RABGAP1: variants seen among roughly 807,000 people sequenced by gnomAD.
RABGAP1 encodes rab GTPase-activating protein 1.
RABGAP1 carries 23 observed loss-of-function variants against 137.6 expected under a neutral mutation model. The ratio of observed to expected loss-of-function variants is 0.17; its 90% CI spans 0.12 to 0.24. The LOEUF is 0.24. Ranked by LOEUF, RABGAP1 falls within the 10% of genes least tolerant of loss-of-function variation. RABGAP1 has a pLI of 1.00. For synonymous variants in RABGAP1, 451 were observed against 450.7 expected, an observed-to-expected ratio of 1.00 and a Z score of -0.01; for missense variants, 906 against 1,275.8, an observed-to-expected ratio of 0.71 and a Z score of 4.42.
At chr9:122,972,226 C>T (rs1422874410) in intron 2 of RABGAP1, among the ~76,000 whole-genome samples, 1 of 151,988 alleles carries the variant, frequency 6.6e-6, no homozygotes, top group African/African-American at 2.4e-5. Context: ...CCCAGGAGTT[C>T]AAGACCAGCC....
At chr9:123,044,364 C>G (rs533782244) in intron 13 of RABGAP1, among the ~76,000 whole-genome samples, 107 of 152,240 alleles carry the variant, frequency 7.0e-4, no homozygotes, top group African/African-American at 2.5e-3. Context: ...CTTTACAAAG[C>G]CATTTCCTAT....
At chr9:123,008,493 C>G (rs1047456492) in intron 10 of RABGAP1, among the ~76,000 whole-genome samples, 1 of 146,954 alleles carries the variant, frequency 6.8e-6, no homozygotes, top group Non-Finnish European at 1.5e-5. Flanking sequence ...TGCAGTGAGC[C>G]GAGATCATGC....
At chr9:122,950,376 T>TC (rs1834166988) in intron 1 of RABGAP1, among the ~76,000 whole-genome samples, 1 of 96,044 alleles carries the variant, frequency 1.0e-5, no homozygotes, top group African/African-American at 4.1e-5. Context: ...TCTTTTTCTT[T>TC]CTTTTTTTTT....
chr9:123,065,336 A>T lies in RABGAP1; in HGVS notation c.1795-12A>T. On this transcript the variant is annotated splice_polypyrimidine_tract_variant and intron_variant, in intron 13 of 25. Transcript: ENST00000373647. ...ACCTAACTAAACCCTCTCTTTCCTT[A>T]TGTTTCCACAGGAGTCTCCCCAGGA... 6.4e-7 allele frequency: 1 copy of T among 1,564,590 alleles called. No individual in the cohort carries two copies.
chr9:122,998,866 A>G, intron 10 of RABGAP1, 100 bp downstream of exon 10: 1 of 651,762 alleles, frequency 1.5e-6, no homozygotes, highest in Non-Finnish European at 2.3e-6. Flanking sequence ...AGTCATGTGT[A>G]TTTTAAATAT....
At chr9:123,065,326 C>G in intron 13 of RABGAP1, 22 bp from the exon 14 acceptor site, 19 of 1,531,282 alleles carry the variant, frequency 1.2e-5, no homozygotes, top group Non-Finnish European at 1.7e-5. Context: ...ACTAAACCCT[C>G]TCTTTCCTTA....
chr9:123,095,391 A>G (rs1030857194), intron 21 of RABGAP1, among the ~76,000 whole-genome samples: 1 of 152,160 alleles, frequency 6.6e-6, no homozygotes, highest in Non-Finnish European at 1.5e-5. Flanking sequence ...CTTCTTTTCT[A>G]AAATAAGCAT....
chr9:123,081,771 T>C (rs2034716149), intron 19 of RABGAP1, among the ~76,000 whole-genome samples: 1 of 152,178 alleles, frequency 6.6e-6, no homozygotes, highest in Non-Finnish European at 1.5e-5. Context: ...ATGATATTGT[T>C]GTAATTTGTA....
At chr9:123,066,958 T>C (rs775639044) in intron 14 of RABGAP1, among the ~76,000 whole-genome samples, 3 of 152,240 alleles carry the variant, frequency 2.0e-5, no homozygotes, top group Non-Finnish European at 2.9e-5. Flanking sequence ...CTTCATCTTT[T>C]TTTTCCTTTT....
At chr9:123,078,439 T>C (rs12338610) in intron 19 of RABGAP1, among the ~76,000 whole-genome samples, 11,616 of 152,126 alleles carry the variant, frequency 0.076, 1,593 homozygotes, top group East Asian at 0.61. Flanking sequence ...TTTAACATAG[T>C]GCCTGGTAGT....
At chr9:122,996,513 A>G in intron 7 of RABGAP1, 26 bp from the exon 8 acceptor site, 1 of 1,573,340 alleles carries the variant, frequency 6.4e-7, no homozygotes, top group Non-Finnish European at 8.6e-7. Flanking sequence ...TTTTTTCTTA[A>G]ATTTATGTCA....
In RABGAP1 at chr9:123,055,141, T is replaced by G. The variant is rs915910822; in HGVS notation, c.1795-10207T>G. Among the ~76,000 whole-genome samples the G allele has an allele frequency of 3.3e-5, 5 of 152,196 alleles. 1 individual carries two copies. Among genetic ancestry groups the G allele is most frequent in the South Asian group, 4.1e-4 (2 of 4,828 alleles). On this transcript the variant is annotated intron_variant, in intron 13 of 25. Transcript: ENST00000373647. ...GGAGGATTTGTCTCTTCTCCTCCAT[T>G]TATTTATTCAATCATTTATTTATGT... is the stretch of plus-strand genomic sequence containing the variant.
chr9:123,059,330 G>A (rs566582639), intron 13 of RABGAP1, among the ~76,000 whole-genome samples: 3 of 152,096 alleles, frequency 2.0e-5, no homozygotes, highest in African/African-American at 4.8e-5. Flanking sequence ...CGAGGCGGGC[G>A]GATCACGAGG....
intron 3 of RABGAP1, among the ~76,000 whole-genome samples, chr9:122,985,205 G>T (rs958403421): frequency 2.6e-5 from 4 of 152,198 alleles, no homozygotes; most frequent in Admixed American, 1.3e-4. Flanking sequence ...ATTTGGAAAA[G>T]CAGGTGCTAA....
intron 2 of RABGAP1, among the ~76,000 whole-genome samples, chr9:122,970,074 A>ATT (rs34261698): frequency 1.4e-3 from 198 of 143,444 alleles, no homozygotes; most frequent in Non-Finnish European, 1.4e-3. Context: ...TATCCGGCTA[A>ATT]TTTTTTTTTT....
intron 12 of RABGAP1, among the ~76,000 whole-genome samples, chr9:123,019,865 A>G (rs541969127): frequency 2.7e-4 from 41 of 151,904 alleles, no homozygotes; most frequent in Admixed American, 1.4e-3. Flanking sequence ...AATTTTTTGT[A>G]TTTAGATGGG....
At chr9:123,081,755 A>C (rs2034715423) in intron 19 of RABGAP1, among the ~76,000 whole-genome samples, 1 of 152,138 alleles carries the variant, frequency 6.6e-6, no homozygotes, top group African/African-American at 2.4e-5. Flanking sequence ...GTTGTGTTTT[A>C]ATATTATGAT....
At chr9:123,096,505 T>C (rs1489067964) in intron 21 of RABGAP1, among the ~76,000 whole-genome samples, 2 of 152,234 alleles carry the variant, frequency 1.3e-5, no homozygotes, top group Non-Finnish European at 2.9e-5. Context: ...ATTGCGTGCA[T>C]TTGCAGTTTG....
chr9:123,065,968 C>G (rs2034157651), intron 14 of RABGAP1, among the ~76,000 whole-genome samples: 1 of 152,188 alleles, frequency 6.6e-6, no homozygotes, highest in Non-Finnish European at 1.5e-5. Context: ...TTCCGTATTC[C>G]ATTTTCAAAT....
Sources: gnomAD v4.1 joint callset for allele counts (sites outside exome capture counted in the v4.1 genomes callset) on GRCh38, gnomAD v4.1.1 for gene constraint, MANE v1.5 for transcripts, NCBI Gene and HGNC (gene_info 2026-07-23, HGNC 2026-07-21) for gene names.